Variants in ERC2 observed in about 807,000 individuals in gnomAD.
ERC2 encodes ERC protein 2.
A neutral mutation model predicts 114.8 loss-of-function variants in ERC2; 42 were observed. The ratio of observed to expected loss-of-function variants is 0.37; its 90% confidence interval spans 0.29 to 0.47. The LOEUF is 0.47. Ranked by LOEUF, ERC2 falls within the 20% of genes least tolerant of loss-of-function variation. The pLI is 0.99. For missense variants in ERC2, 939 were observed against 1,150.7 expected (o/e 0.82, Z 2.66); for synonymous variants, 454 against 425.5 (o/e 1.07, Z -0.82).
intron 3 of ERC2, among the ~76,000 whole-genome samples, chr3:56,242,003 A>G (rs1256171246): frequency 6.6e-6 from 1 of 152,188 alleles, no homozygotes; most frequent in Non-Finnish European, 1.5e-5. Context: ...AGCCTGCAGT[A>G]TTTATCATCT....
At chr3:56,319,248 T>G (rs1395695808) in intron 2 of ERC2, among the ~76,000 whole-genome samples, 1 of 151,166 alleles carries the variant, frequency 6.6e-6, no homozygotes, top group Non-Finnish European at 1.5e-5. Flanking sequence ...TAAGTGTTCA[T>G]AAATGGATGA....
At chr3:55,913,600 C>T (rs11924873) in intron 13 of ERC2, among the ~76,000 whole-genome samples, 107,309 of 151,896 alleles carry the variant, frequency 0.71, 38,151 homozygotes, top group Admixed American at 0.77. Flanking sequence ...ATTGCTTCTA[C>T]AAAAGGAAAA....
chr3:55,833,009 T>C (rs1013557502), intron 14 of ERC2, among the ~76,000 whole-genome samples: 21 of 150,842 alleles, frequency 1.4e-4, no homozygotes, highest in Non-Finnish European at 2.8e-4. Flanking sequence ...AGGGTATCAG[T>C]GATGGAAGAT....
chr3:56,153,007 G>A (rs1055977398), intron 4 of ERC2, among the ~76,000 whole-genome samples: 42 of 152,182 alleles, frequency 2.8e-4, no homozygotes, highest in African/African-American at 1.0e-3. Flanking sequence ...GACGGCTATA[G>A]TTATAGAAAT....
At chr3:55,772,888 C>T (rs2068329099) in intron 14 of ERC2, among the ~76,000 whole-genome samples, 2 of 152,214 alleles carry the variant, frequency 1.3e-5, no homozygotes, top group Non-Finnish European at 1.5e-5. Context: ...GTACCCACAT[C>T]CAATCCTTCA....
chr3:55,732,870 T>G (rs905137783), intron 15 of ERC2, among the ~76,000 whole-genome samples: 4 of 152,132 alleles, frequency 2.6e-5, no homozygotes, highest in South Asian at 4.1e-4. Flanking sequence ...TGGTCTCAGT[T>G]TTTATGGCCA....
At chr3:56,387,165 T>C (rs1283452306) in intron 2 of ERC2, among the ~76,000 whole-genome samples, 1 of 152,192 alleles carries the variant, frequency 6.6e-6, no homozygotes, top group Non-Finnish European at 1.5e-5. Flanking sequence ...ATATAATAAA[T>C]AAATATAGGC....
At position 56,363,560 on chromosome 3, in the gene ERC2, T is replaced by TAGTG. The variant is rs148125099; in HGVS notation, c.658-67129_658-67126dup. Among the ~76,000 whole-genome samples, 973 of 152,296 alleles carry TAGTG rather than the reference T, an allele frequency of 6.4e-3. 13 individuals are homozygous for TAGTG. The highest frequency in any genetic ancestry group is 0.023 in the African/African-American group (937 of 41,548). ...ACACAGCAACACCACATGTTTCTTC[T>TAGTG]AGTGACCAGAGTAACTACCTGAGTG... On this transcript the variant is annotated intron_variant, in intron 2 of 17. Coordinates refer to ENST00000288221, the MANE Select transcript of ERC2 (RefSeq NM_015576.3).
In ERC2 at chr3:55,734,919, C is replaced by T; in HGVS notation, c.2565-1G>A. Reference sequence around the variant, plus strand: ...GATGGCTGCAAGTAGTGCTTCCTGTCTGGTAAAATAAAGATTATTGAGATC... The same window carrying T: ...GATGGCTGCAAGTAGTGCTTCCTGTTTGGTAAAATAAAGATTATTGAGATC... On this transcript the variant is annotated splice_acceptor_variant, in intron 14 of 17. Transcript: ENST00000288221. LOFTEE classifies it high-confidence loss of function. 6.4e-7 allele frequency: 1 copy of T among 1,570,046 alleles called. No individual in the cohort carries two copies. The highest frequency in any genetic ancestry group is 8.6e-7 in the Non-Finnish European group (1 of 1,160,002).
chr3:55,825,094 T>C (rs2060274080), intron 14 of ERC2, among the ~76,000 whole-genome samples: 1 of 152,224 alleles, frequency 6.6e-6, no homozygotes, highest in Admixed American at 6.5e-5. Flanking sequence ...AGATTTACAA[T>C]TGACACAGAA....
At chr3:56,076,691 A>G (rs2076993512) in intron 7 of ERC2, among the ~76,000 whole-genome samples, 1 of 152,206 alleles carries the variant, frequency 6.6e-6, no homozygotes, top group African/African-American at 2.4e-5. Context: ...TCCACTCTAG[A>G]TGATCTCTGT....
intron 2 of ERC2, among the ~76,000 whole-genome samples, chr3:56,412,939 C>G (rs60657582): frequency 0.054 from 8,214 of 152,192 alleles, 570 homozygotes; most frequent in African/African-American, 0.16. Flanking sequence ...TTTACGGGTG[C>G]ACATTTGTGA....
intron 7 of ERC2, among the ~76,000 whole-genome samples, chr3:56,042,414 G>A (rs1415694729): frequency 6.6e-6 from 1 of 152,158 alleles, no homozygotes; most frequent in Non-Finnish European, 1.5e-5. Context: ...GCACATAGGA[G>A]GTTCTCAGTA....
In ERC2 at chr3:55,753,983, C is replaced by T. The variant is rs552630630; in HGVS notation, c.2565-19065G>A. 1.8e-3 allele frequency among the ~76,000 whole-genome samples: 280 copies of T among 152,226 alleles called. 1 individual carries two copies. The highest frequency in any genetic ancestry group is 3.0e-3 in the Non-Finnish European group (206 of 68,028). On this transcript the variant is annotated intron_variant, in intron 14 of 17. Coordinates refer to ENST00000288221, the MANE Select transcript of ERC2 (RefSeq NM_015576.3). ...CATCTGTAAAATGAGAATCCTAATA[C>T]ACTTATGAGGTATTATATAAGATAA...
chr3:55,922,206 G>C (rs1300637434), intron 13 of ERC2, among the ~76,000 whole-genome samples: 4 of 152,040 alleles, frequency 2.6e-5, no homozygotes, highest in Non-Finnish European at 4.4e-5. Flanking sequence ...TGGGAGCAAG[G>C]TAAATTCATG....
intron 3 of ERC2, among the ~76,000 whole-genome samples, chr3:56,223,518 CAAAAAAAAA>C (rs60141863): frequency 1.5e-4 from 19 of 123,010 alleles, no homozygotes; most frequent in African/African-American, 5.8e-4. Flanking sequence ...AGAAAAATGG[CAAAAAAAAA>C]AAAAAAAAAA....
At chr3:55,823,743 G>A (rs951381198) in intron 14 of ERC2, among the ~76,000 whole-genome samples, 6 of 151,986 alleles carry the variant, frequency 3.9e-5, no homozygotes, top group African/African-American at 1.2e-4. Context: ...AGATCCCATC[G>A]CTCCCATAGG....
chr3:55,994,519 G>A lies in ERC2; in HGVS notation c.2062-2269C>T, dbSNP rs75995212. Among the ~76,000 whole-genome samples, 2,249 of 151,944 alleles carry A rather than the reference G, an allele frequency of 0.015. 97 individuals are homozygous for A. The East Asian group carries it at 0.17, about 11-fold the overall frequency. ...AACTACAAAATGACAAACACGGGGG[G>A]AGATATTACTCACTTTTGTTTTTAT... On this transcript the variant is annotated intron_variant, in intron 10 of 17. Coordinates refer to ENST00000288221, the MANE Select transcript of ERC2 (RefSeq NM_015576.3).
At chr3:56,258,110 C>T (rs1463243482) in intron 3 of ERC2, among the ~76,000 whole-genome samples, 1 of 152,186 alleles carries the variant, frequency 6.6e-6, no homozygotes, top group Non-Finnish European at 1.5e-5. Context: ...ACTAGGGGGC[C>T]AGATGCCCTG....
Sources: allele counts gnomAD v4.1 joint callset (sites outside exome capture counted in the v4.1 genomes callset), GRCh38; gene constraint gnomAD v4.1.1; transcripts MANE v1.5; gene names NCBI Gene and HGNC (gene_info 2026-07-23, HGNC 2026-07-21).